SYT14: variants seen among roughly 807,000 people sequenced by gnomAD.
The protein encoded by SYT14 is synaptotagmin 14, also known as synaptotagmin-14.
SYT14 carries 32 observed loss-of-function variants against 74.2 expected under a neutral mutation model. That is an observed-to-expected ratio of 0.43 (90% CI 0.33 to 0.58). The LOEUF is 0.58. Ranked by LOEUF, SYT14 falls within the 20% of genes least tolerant of loss-of-function variation. The probability of loss-of-function intolerance (pLI) is 0.05; values close to 1 mark genes in which losing one functional copy is unlikely to be tolerated. For synonymous variants in SYT14, 298 were observed against 337.7 expected (o/e 0.88, Z 1.29); for missense variants, 791 against 981.8 (o/e 0.81, Z 2.60).
intron 2 of SYT14, among the ~76,000 whole-genome samples, chr1:209,989,988 A>T (rs2079637185): frequency 6.6e-6 from 1 of 152,240 alleles, no homozygotes; most frequent in Non-Finnish European, 1.5e-5. Context: ...AGTTAGCACA[A>T]TTTAAAGTAT....
chr1:209,938,453 G>T (rs1394804149), intron 1 of SYT14, among the ~76,000 whole-genome samples, 176 bp downstream of exon 1: 2 of 151,762 alleles, frequency 1.3e-5, no homozygotes, highest in Admixed American at 6.6e-5. Context: ...GAGCGGCGCC[G>T]CTGGGACGCC....
intron 5 of SYT14, among the ~76,000 whole-genome samples, chr1:210,023,610 G>T (rs2080348421): frequency 6.6e-6 from 1 of 152,116 alleles, no homozygotes; most frequent in Non-Finnish European, 1.5e-5. Context: ...CCAAAGTGCT[G>T]GGATTACAGG....
intron 1 of SYT14, among the ~76,000 whole-genome samples, chr1:209,941,248 A>G (rs1186718340): frequency 1.3e-5 from 2 of 152,224 alleles, no homozygotes; most frequent in East Asian, 1.9e-4. Context: ...TAATCAAAAA[A>G]AGAGACAAAT....
rs780812083 is a variant in SYT14 at position 209,938,251 on chromosome 1, A to G, written c.-560A>G. The G allele has an allele frequency of 1.2e-5, 19 of 1,557,836 alleles. No individual in the cohort carries two copies. The South Asian group carries it at 2.0e-4, about 16-fold the overall frequency. ...CCCCGCCATCCAGTTGGTGCGGTCC[A>G]TGGCGAGCGCATCATGGCGATTGAA... On this transcript the variant is annotated 5_prime_UTR_variant, in exon 1 of 10. The change abolishes an upstream ATG in the 5' untranslated region. Transcript: ENST00000637265.
chr1:210,073,119 C>CATT (rs1177984754), intron 5 of SYT14, among the ~76,000 whole-genome samples: 1 of 151,658 alleles, frequency 6.6e-6, no homozygotes, highest in Non-Finnish European at 1.5e-5. Flanking sequence ...AAAATTCTAA[C>CATT]ATTATACAAC....
At chr1:210,113,194 G>A (rs1388511491) in intron 7 of SYT14, among the ~76,000 whole-genome samples, 2 of 151,366 alleles carry the variant, frequency 1.3e-5, no homozygotes, top group South Asian at 2.1e-4. Flanking sequence ...TGAAAAGGGA[G>A]TGATGAGTTA....
rs1282290492 is a variant in SYT14, at chr1:209,989,024, G to A, written c.-485-24609G>A. Among the ~76,000 whole-genome samples, 3 of 152,206 alleles carry A rather than the reference G, an allele frequency of 2.0e-5. No homozygotes were observed. In the South Asian group the frequency reaches 6.2e-4, roughly 32 times the overall value. On this transcript the variant is annotated intron_variant, in intron 2 of 9. Coordinates refer to ENST00000637265, the Ensembl canonical transcript of SYT14. Reference sequence around the variant, plus strand: ...TGACCGCACTGTCCCCTTTCTCCAGGTAGTAAGCTTGGAAAATCATAGTCA... The same window carrying A: ...TGACCGCACTGTCCCCTTTCTCCAGATAGTAAGCTTGGAAAATCATAGTCA...
intron 7 of SYT14, among the ~76,000 whole-genome samples, chr1:210,136,600 G>T (rs2082791338): frequency 6.6e-6 from 1 of 152,170 alleles, no homozygotes; most frequent in Non-Finnish European, 1.5e-5. Context: ...ACAAGAAGGG[G>T]CTGATGAACA....
chr1:210,147,614 T>C (rs1019746328), intron 7 of SYT14, among the ~76,000 whole-genome samples: 4 of 152,180 alleles, frequency 2.6e-5, no homozygotes, highest in Non-Finnish European at 5.9e-5. Context: ...AAGTATTCAG[T>C]ATACATTAAT....
intron 7 of SYT14, 74 bp downstream of exon 6, chr1:210,100,535 T>G: frequency 6.9e-7 from 1 of 1,453,346 alleles, no homozygotes; most frequent in Non-Finnish European, 9.6e-7. Context: ...TAAAAATCTT[T>G]AATCAAGCCA....
chr1:210,020,936 C>A (rs1388456721), intron 4 of SYT14, 103 bp from the exon 4 acceptor site: 3 of 947,830 alleles, frequency 3.2e-6, no homozygotes, highest in Non-Finnish European at 5.0e-6. Context: ...ATTTTCTATA[C>A]TTTATTGTGT....
At chr1:210,078,227 G>A (rs1394286530) in intron 5 of SYT14, among the ~76,000 whole-genome samples, 3 of 148,352 alleles carry the variant, frequency 2.0e-5, no homozygotes, top group South Asian at 2.1e-4. Flanking sequence ...GGAGAATGGC[G>A]TGAACCCGGG....
intron 1 of SYT14, among the ~76,000 whole-genome samples, chr1:209,950,892 A>G (rs1290875367): frequency 6.6e-6 from 1 of 152,226 alleles, no homozygotes; most frequent in African/African-American, 2.4e-5. Context: ...GGTCATACAT[A>G]TATGGTACAC....
intron 5 of SYT14, among the ~76,000 whole-genome samples, chr1:210,077,480 C>T (rs2081524482): frequency 6.6e-6 from 1 of 152,158 alleles, no homozygotes; most frequent in South Asian, 2.1e-4. Context: ...TTTTGTTTAT[C>T]GTTCATCACT....
chr1:210,007,628 G>C (rs886517949), intron 2 of SYT14, among the ~76,000 whole-genome samples: 3 of 151,974 alleles, frequency 2.0e-5, no homozygotes, highest in Non-Finnish European at 4.4e-5. Context: ...ATATATAAGA[G>C]CTATAAATAA....
chr1:210,008,333 A>T (rs760989971), intron 2 of SYT14, among the ~76,000 whole-genome samples: 6 of 152,128 alleles, frequency 3.9e-5, no homozygotes, highest in Non-Finnish European at 7.4e-5. Context: ...GTGTAATATT[A>T]AACTAATTAT....
At chr1:210,015,823 A>C (rs2080171998) in exon 4 of SYT14, 1 of 1,162,192 alleles carries the variant, frequency 8.6e-7, no homozygotes, top group Non-Finnish European at 1.1e-6. Context: ...CTTTACTTCA[A>C]CATATTTCTT....
chr1:209,997,450 C>A (rs2079818427), intron 2 of SYT14, among the ~76,000 whole-genome samples: 1 of 152,050 alleles, frequency 6.6e-6, no homozygotes, highest in African/African-American at 2.4e-5. Flanking sequence ...TATTAAAAAA[C>A]ACTACTGAAA....
In SYT14 at chr1:210,051,310, T is replaced by A. The variant is rs1057068655; in HGVS notation, c.1312+30056T>A. Among the ~76,000 whole-genome samples, 4 of 152,196 alleles carry A rather than the reference T, an allele frequency of 2.6e-5. No individual in the cohort carries two copies. The East Asian group carries it at 7.7e-4, about 29-fold the overall frequency. On this transcript the variant is annotated intron_variant, in intron 5 of 9. Coordinates refer to ENST00000637265, the Ensembl canonical transcript of SYT14. ...GAATATATCCAATAAGGTTGTACAG[T>A]ATACTGTGTTCAAAAGTTATTTGCA...
Sources: allele counts gnomAD v4.1 joint callset (sites outside exome capture counted in the v4.1 genomes callset), GRCh38; gene constraint gnomAD v4.1.1; transcripts MANE v1.5; gene names NCBI Gene and HGNC (gene_info 2026-07-23, HGNC 2026-07-21).